The following PRKG2 variants were observed in gnomAD, a reference collection of about 807,000 sequenced individuals.
The protein encoded by PRKG2 is cGMP-dependent protein kinase 2.
PRKG2 carries 33 observed loss-of-function variants against 97.2 expected under a neutral mutation model. That is an observed-to-expected ratio of 0.34 (90% CI 0.26 to 0.45). The LOEUF (loss-of-function observed/expected upper bound fraction) is 0.45. Ranked by LOEUF, PRKG2 falls within the 20% of genes least tolerant of loss-of-function variation. The pLI, the probability that PRKG2 is intolerant of heterozygous loss-of-function variation, is 1.00. For missense variants in PRKG2, 638 were observed against 900.0 expected (o/e 0.71, Z 3.73); for synonymous variants, 330 against 321.8 (o/e 1.03, Z -0.27).
chr4:81,172,076 G>T (rs927461648), intron 3 of PRKG2, among the ~76,000 whole-genome samples: 2 of 151,658 alleles, frequency 1.3e-5, no homozygotes, highest in Non-Finnish European at 2.9e-5. Context: ...TTTTACAGTG[G>T]CAAGAATGAA....
intron 14 of PRKG2, among the ~76,000 whole-genome samples, chr4:81,130,492 C>T (rs939988784): frequency 2.0e-5 from 3 of 152,180 alleles, no homozygotes; most frequent in Admixed American, 2.0e-4. Flanking sequence ...AGGAGGCAGT[C>T]TGTCCCTTAG....
chr4:81,131,605 T>A (rs925929462), intron 14 of PRKG2, among the ~76,000 whole-genome samples: 1 of 152,232 alleles, frequency 6.6e-6, no homozygotes, highest in Non-Finnish European at 1.5e-5. Context: ...GTGAAAATAT[T>A]ACCCTATGTT....
intron 1 of PRKG2, 62 bp downstream of exon 1, chr4:81,214,874 C>A (rs1160839210): frequency 6.6e-6 from 1 of 152,418 alleles, no homozygotes; most frequent in Non-Finnish European, 1.5e-5. Context: ...GCACCCCGAC[C>A]CCGTCCCTCC....
Position 81,186,001 on chromosome 4 carries a change from T to A in PRKG2, c.462-11042A>T, listed in dbSNP as rs369127563. On this transcript the variant is annotated intron_variant, in intron 2 of 18. Transcript: ENST00000264399. The stretch of plus-strand genomic sequence containing the variant: ...GTTATTAGAAACCTACAAAGAGACT[T>A]AGCCTCCCACACAATAGTAGCGGGA... Among the ~76,000 whole-genome samples the A allele has an allele frequency of 3.4e-4, 52 of 152,242 alleles. 2 individuals are homozygous for A. The highest frequency in any genetic ancestry group is 1.2e-3 in the African/African-American group (51 of 41,530).
upstream of PRKG2, among the ~76,000 whole-genome samples, chr4:81,216,676 C>A (rs1754282724): frequency 6.6e-6 from 1 of 151,982 alleles, no homozygotes; most frequent in South Asian, 2.1e-4. Flanking sequence ...TCCTACCTCA[C>A]CCACCTCCCA....
chr4:81,186,895 G>T (rs78665065), intron 2 of PRKG2, among the ~76,000 whole-genome samples: 1 of 152,098 alleles, frequency 6.6e-6, no homozygotes, highest in South Asian at 2.1e-4. Context: ...TAAATACCTG[G>T]ACACATAAAC....
chr4:81,164,043 C>A (rs41414947), intron 6 of PRKG2, among the ~76,000 whole-genome samples: 1 of 152,102 alleles, frequency 6.6e-6, no homozygotes, highest in East Asian at 1.9e-4. Flanking sequence ...GGCAAGCACA[C>A]CTGGATCAGG....
At chr4:81,110,788 CAA>C (rs1743848917) in intron 14 of PRKG2, among the ~76,000 whole-genome samples, 177 bp from the exon 15 acceptor site, 1 of 150,280 alleles carries the variant, frequency 6.7e-6, no homozygotes. Flanking sequence ...GACAGACAGA[CAA>C]AGAGACAGAG....
chr4:81,175,008 T>C (rs764371909), intron 2 of PRKG2, 49 bp from the exon 3 acceptor site: 7 of 1,476,446 alleles, frequency 4.7e-6, no homozygotes, highest in Non-Finnish European at 6.5e-6. Context: ...AAAATCATGT[T>C]TTACTATTTA....
At chr4:81,091,593 T>C (rs548835820) in intron 18 of PRKG2, among the ~76,000 whole-genome samples, 2 of 152,230 alleles carry the variant, frequency 1.3e-5, no homozygotes, top group African/African-American at 4.8e-5. Flanking sequence ...TAGTGTTTTA[T>C]TTTAAAATGT....
At position 81,206,092 on chromosome 4, in the gene PRKG2, T is replaced by C. The variant is rs553037731; in HGVS notation, c.-13-1032A>G. Among the ~76,000 whole-genome samples, 19 of 152,330 alleles carry C rather than the reference T, an allele frequency of 1.2e-4. No individual in the cohort carries two copies. In the East Asian group the frequency reaches 3.1e-3, roughly 25 times the overall value. ...TGAGTCAATTCGATGAAAATAAAAA[T>C]AAATCATCTGCAGATAATAAGCACA... On this transcript the variant is annotated intron_variant, in intron 1 of 18. Transcript: ENST00000264399.
chr4:81,169,867 G>A, intron 4 of PRKG2, 99 bp from the exon 5 acceptor site: 4 of 670,732 alleles, frequency 6.0e-6, no homozygotes, highest in South Asian at 5.8e-5. Context: ...CTTATAAAAT[G>A]GTACTTCTTG....
intron 9 of PRKG2, among the ~76,000 whole-genome samples, chr4:81,145,721 T>C (rs923879595): frequency 6.6e-6 from 1 of 152,200 alleles, no homozygotes; most frequent in African/African-American, 2.4e-5. Context: ...CTGGTAATTA[T>C]TAGGGTACTT....
intron 17 of PRKG2, among the ~76,000 whole-genome samples, chr4:81,095,595 T>G (rs1037565294): frequency 2.0e-5 from 3 of 152,216 alleles, no homozygotes. Flanking sequence ...AGTACTTACT[T>G]AACATGCATG....
At position 81,153,724 on chromosome 4, in the gene PRKG2, G is replaced by A. The variant is rs1473287178; in HGVS notation, c.913-3C>T. 2 of 1,595,968 alleles carry A rather than the reference G, an allele frequency of 1.3e-6. No individual in the cohort carries two copies. Among genetic ancestry groups the A allele is most frequent in the Non-Finnish European group, 1.7e-6 (2 of 1,163,882 alleles). On this transcript the variant is annotated splice_region_variant and splice_polypyrimidine_tract_variant and intron_variant, in intron 6 of 18. Coordinates refer to ENST00000264399, the MANE Select transcript of PRKG2 (RefSeq NM_006259.3). ...TAATCTCCTTTGTCATAGTATTCCT[G>A]TTGGGATGAGAGAGAAAGAAAATGT... is the stretch of plus-strand genomic sequence containing the variant.
chr4:81,138,955 G>A (rs1746986471), intron 12 of PRKG2, among the ~76,000 whole-genome samples: 1 of 152,192 alleles, frequency 6.6e-6, no homozygotes, highest in Non-Finnish European at 1.5e-5. Flanking sequence ...TGGATAGGGA[G>A]AAAGAGTCTT....
At chr4:81,142,970 T>C in intron 10 of PRKG2, 23 bp from the exon 11 acceptor site, 1 of 1,586,280 alleles carries the variant, frequency 6.3e-7, no homozygotes. Context: ...AGTGAAACTT[T>C]ACACACACAC....
intron 17 of PRKG2, among the ~76,000 whole-genome samples, chr4:81,099,965 T>G (rs1423467181): frequency 6.6e-6 from 1 of 152,134 alleles, no homozygotes; most frequent in Non-Finnish European, 1.5e-5. Context: ...CATTCACAAT[T>G]GCTTCAAAGA....
At chr4:81,176,247 T>C (rs1468995722) in intron 2 of PRKG2, among the ~76,000 whole-genome samples, 1 of 152,130 alleles carries the variant, frequency 6.6e-6, no homozygotes, top group African/African-American at 2.4e-5. Context: ...ATCACTGTTA[T>C]CCATTTTATT....
Sources: allele counts gnomAD v4.1 joint callset (sites outside exome capture counted in the v4.1 genomes callset), GRCh38; gene constraint gnomAD v4.1.1; transcripts MANE v1.5; gene names NCBI Gene and HGNC (gene_info 2026-07-23, HGNC 2026-07-21).